The following MMP20 variants were observed in gnomAD, a reference collection of about 807,000 sequenced individuals.
MMP20 encodes matrix metallopeptidase 20.
MMP20 carries 50 observed loss-of-function variants against 51.8 expected under a neutral mutation model. That is an observed-to-expected ratio of 0.97 (90% CI 0.77 to 1.22). MMP20 has a LOEUF of 1.22. Among genes scored for constraint, MMP20 ranks in the 50% most tolerant of loss-of-function variants. The pLI is 0.00. For synonymous variants in MMP20, 244 were observed against 216.2 expected, an observed-to-expected ratio of 1.13 and a Z score of -1.13; for missense variants, 663 against 601.4, an observed-to-expected ratio of 1.10 and a Z score of -1.07.
At chr11:102,607,081 C>G (rs1168116564) in intron 5 of MMP20, 1 of 188,944 alleles carries the variant, frequency 5.3e-6, no homozygotes, top group Non-Finnish European at 1.1e-5. Context: ...TAAAAATTGG[C>G]ATGGATTGTT....
At chr11:102,625,069 C>A in intron 1 of MMP20, 125 bp downstream of exon 1, 1 of 1,291,638 alleles carries the variant, frequency 7.7e-7, no homozygotes, top group Non-Finnish European at 1.1e-6. Flanking sequence ...ATCAGTTAGA[C>A]TTCAATGGAC....
chr11:102,615,626 T>C (rs578035465), intron 2 of MMP20, among the ~76,000 whole-genome samples: 67 of 152,342 alleles, frequency 4.4e-4, no homozygotes, highest in African/African-American at 1.6e-3. Context: ...CATCACGCTC[T>C]AGTTGCCCTT....
At chr11:102,596,276 A>T (rs1030481171) in intron 6 of MMP20, among the ~76,000 whole-genome samples, 3 of 152,224 alleles carry the variant, frequency 2.0e-5, no homozygotes. Flanking sequence ...TATTGGGAAA[A>T]GATAAATATT....
At chr11:102,608,135 T>C (rs1859543184) in intron 5 of MMP20, 1 of 152,188 alleles carries the variant, frequency 6.6e-6, no homozygotes, top group Admixed American at 6.5e-5. Flanking sequence ...CTCTAGGCAC[T>C]GAGAAGATGG....
intron 4 of MMP20, among the ~76,000 whole-genome samples, chr11:102,609,615 A>G (rs1199503380): frequency 6.6e-6 from 1 of 152,230 alleles, no homozygotes; most frequent in Non-Finnish European, 1.5e-5. Flanking sequence ...AAGAATAAGT[A>G]AGAAATCATA....
chr11:102,618,538 T>A (rs994005939), intron 1 of MMP20, among the ~76,000 whole-genome samples: 25 of 152,028 alleles, frequency 1.6e-4, no homozygotes, highest in Non-Finnish European at 2.2e-4. Context: ...AGGCCTCTAC[T>A]AAGATCAGTT....
At chr11:102,581,675 A>G (rs1330471965) in intron 8 of MMP20, among the ~76,000 whole-genome samples, 1 of 152,212 alleles carries the variant, frequency 6.6e-6, no homozygotes, top group Non-Finnish European at 1.5e-5. Flanking sequence ...GGACCACTGT[A>G]GCTGTGTGAT....
rs11225343 is a variant in MMP20 at position 102,608,938 on chromosome 11, G to A, written c.810C>T (p.Tyr270=). The part of the protein sequence containing the change: ...KDDVKGIQAL[Y]GPRKVFLGKP... ...CATCAAAGAAGGTAATAATCTTACC[G>A]TATAATGCCTGGATCCCTTTCACAT... Residue 270 remains tyrosine, a splice_region_variant and synonymous_variant, in exon 5 of 10, where the codon TAC becomes TAT. Transcript: ENST00000260228. 3.9e-3 allele frequency: 6,250 copies of A among 1,613,820 alleles called. 218 individuals carry two copies. The African/African-American group carries it at 0.072, about 19-fold the overall frequency.
intron 8 of MMP20, among the ~76,000 whole-genome samples, chr11:102,585,059 C>T (rs950838018): frequency 6.6e-6 from 1 of 152,070 alleles, no homozygotes; most frequent in Non-Finnish European, 1.5e-5. Context: ...AGTATGAATC[C>T]TCCAACTTTG....
intron 8 of MMP20, among the ~76,000 whole-genome samples, chr11:102,581,973 C>T (rs1401095509): frequency 1.3e-5 from 2 of 152,064 alleles, no homozygotes; most frequent in Non-Finnish European, 2.9e-5. Context: ...AACCTAAATA[C>T]CAAACTAGAA....
At chr11:102,582,269 C>T (rs1473777596) in intron 8 of MMP20, among the ~76,000 whole-genome samples, 1 of 152,054 alleles carries the variant, frequency 6.6e-6, no homozygotes, top group Non-Finnish European at 1.5e-5. Context: ...AGTCACATGT[C>T]AAGGGCATAA....
At chr11:102,621,672 T>C (rs1318549494) in intron 1 of MMP20, among the ~76,000 whole-genome samples, 1 of 152,250 alleles carries the variant, frequency 6.6e-6, no homozygotes. Flanking sequence ...CTTATTCATA[T>C]GGAAGTAATC....
At chr11:102,615,059 G>A (rs974930977) in intron 2 of MMP20, among the ~76,000 whole-genome samples, 1 of 147,020 alleles carries the variant, frequency 6.8e-6, no homozygotes, top group Admixed American at 6.8e-5. Context: ...TTATATTAAT[G>A]TAATTATTTA....
chr11:102,598,183 G>C (rs1859405111), intron 6 of MMP20, among the ~76,000 whole-genome samples: 1 of 152,124 alleles, frequency 6.6e-6, no homozygotes, highest in African/African-American at 2.4e-5. Flanking sequence ...TGCATCCTTA[G>C]ACCTATAGAT....
intron 8 of MMP20, among the ~76,000 whole-genome samples, chr11:102,591,572 C>T (rs1174869221): frequency 6.6e-6 from 1 of 152,166 alleles, no homozygotes; most frequent in Non-Finnish European, 1.5e-5. Flanking sequence ...CCTCTGTAAC[C>T]TGAGAAGGTT....
chr11:102,606,831 T>C, intron 5 of MMP20, 155 bp from the exon 6 acceptor site: 1 of 821,704 alleles, frequency 1.2e-6, no homozygotes, highest in South Asian at 1.5e-5. Flanking sequence ...GTCCCGGCTC[T>C]CCTGGTTGCT....
intron 3 of MMP20, among the ~76,000 whole-genome samples, chr11:102,611,470 A>G (rs1227741767): frequency 6.6e-6 from 1 of 152,228 alleles, no homozygotes; most frequent in Non-Finnish European, 1.5e-5. Flanking sequence ...CGGGAAAGCA[A>G]AATCTGCAAG....
chr11:102,593,399 A>G, intron 8 of MMP20, 40 bp downstream of exon 8: 1 of 1,592,614 alleles, frequency 6.3e-7, no homozygotes, highest in Non-Finnish European at 8.6e-7. Flanking sequence ...AATCATTCTC[A>G]TTAAATAAAG....
chr11:102,609,050 C>T lies in MMP20; in HGVS notation c.698G>A (p.Gly233Asp), dbSNP rs1478852684. 1.2e-6 allele frequency: 2 copies of T among 1,613,948 alleles called. No homozygotes were observed. Among genetic ancestry groups the T allele is most frequent in the Admixed American group, 1.7e-5 (1 of 60,004 alleles). Residue 233 changes from glycine (G) to aspartate (D), a missense_variant, in exon 5 of 10, where the codon GGC (glycine) becomes GAC (aspartate). By Grantham distance (94) the Gly-to-Asp change is moderately conservative (BLOSUM62 -1). Coordinates refer to ENST00000260228, the MANE Select transcript of MMP20 (RefSeq NM_004771.4). Reference sequence around the variant, plus strand: ...TGATGGGTCTGTGGAATGGGCCAGGCCCAGGGCATGGCCAAATTCATGAGC... The same window carrying T: ...TGATGGGTCTGTGGAATGGGCCAGGTCCAGGGCATGGCCAAATTCATGAGC... ...VAAHEFGHAL[G>D]LAHSTDPSAL...
Sources: gnomAD v4.1 joint callset for allele counts (sites outside exome capture counted in the v4.1 genomes callset) on GRCh38, gnomAD v4.1.1 for gene constraint, MANE v1.5 for transcripts, NCBI Gene and HGNC (gene_info 2026-07-23, HGNC 2026-07-21) for gene names.